Variants in CCSER1 observed in about 807,000 individuals in gnomAD.
CCSER1 encodes serine-rich coiled-coil domain-containing protein 1.
Under a neutral mutation model 82.0 loss-of-function variants are expected in CCSER1, and 41 were observed. That is an observed-to-expected ratio of 0.50 (90% CI 0.39 to 0.65). The LOEUF (loss-of-function observed/expected upper bound fraction) is 0.65, where lower values mean the gene tolerates loss of function less well. CCSER1 is among the 30% of genes least tolerant of loss of function. CCSER1 has a pLI of 0.00. For synonymous variants in CCSER1, 414 were observed against 383.9 expected (o/e 1.08, Z -0.92); for missense variants, 1,119 against 1,064.2 (o/e 1.05, Z -0.72).
chr4:90,254,166 T>C (rs1315322250), intron 1 of CCSER1, among the ~76,000 whole-genome samples: 1 of 152,182 alleles, frequency 6.6e-6, no homozygotes, highest in Admixed American at 6.5e-5. Flanking sequence ...CTTTGTTCTT[T>C]ACAACAGTGT....
intron 10 of CCSER1, among the ~76,000 whole-genome samples, chr4:91,193,133 T>C (rs1379705081): frequency 6.6e-6 from 1 of 152,176 alleles, no homozygotes; most frequent in Non-Finnish European, 1.5e-5. Flanking sequence ...TCATCTATAA[T>C]ACCTAAAACA....
At chr4:90,535,092 CT>C (rs368374450) in intron 5 of CCSER1, among the ~76,000 whole-genome samples, 6 of 151,390 alleles carry the variant, frequency 4.0e-5, no homozygotes, top group Admixed American at 2.6e-4. Context: ...CTACCAAATT[CT>C]TTTTTTTTAC....
At chr4:90,222,572 G>C (rs114670704) in intron 1 of CCSER1, among the ~76,000 whole-genome samples, 2 of 152,168 alleles carry the variant, frequency 1.3e-5, no homozygotes, top group East Asian at 3.9e-4. Context: ...CACAATTTAC[G>C]CACGTTTATT....
intron 10 of CCSER1, among the ~76,000 whole-genome samples, chr4:91,592,052 G>C (rs1764293823): frequency 6.6e-6 from 1 of 152,140 alleles, no homozygotes; most frequent in African/African-American, 2.4e-5. Context: ...GGTAGGACAT[G>C]TGTATTCAGC....
intron 1 of CCSER1, among the ~76,000 whole-genome samples, chr4:90,229,361 A>C (rs1435991443): frequency 6.6e-6 from 1 of 152,206 alleles, no homozygotes; most frequent in Non-Finnish European, 1.5e-5. Context: ...TTTCATATCC[A>C]GCCAAACTAA....
intron 4 of CCSER1, among the ~76,000 whole-genome samples, chr4:90,455,568 A>G (rs558635002): frequency 3.3e-5 from 5 of 152,080 alleles, no homozygotes; most frequent in Admixed American, 2.0e-4. Flanking sequence ...TCCAGCAAAT[A>G]CCCAGGGTAG....
At chr4:91,427,439 C>A (rs1161134635) in intron 10 of CCSER1, among the ~76,000 whole-genome samples, 1 of 152,018 alleles carries the variant, frequency 6.6e-6, no homozygotes, top group Non-Finnish European at 1.5e-5. Context: ...GAGTAAGTTA[C>A]CCAGCCATTC....
chr4:90,741,973 T>C (rs946143786), intron 7 of CCSER1, among the ~76,000 whole-genome samples: 6 of 152,146 alleles, frequency 3.9e-5, no homozygotes, highest in African/African-American at 1.4e-4. Context: ...TTTAATTGAC[T>C]CATAGTTCCA....
At chr4:91,365,157 G>T (rs1246722439) in intron 10 of CCSER1, among the ~76,000 whole-genome samples, 3 of 152,138 alleles carry the variant, frequency 2.0e-5, no homozygotes, top group African/African-American at 7.2e-5. Flanking sequence ...TTTATGAGAG[G>T]CTTTCAGTGT....
chr4:90,217,722 G>T (rs568811278), intron 1 of CCSER1, among the ~76,000 whole-genome samples: 85 of 152,088 alleles, frequency 5.6e-4, no homozygotes, highest in Middle Eastern at 3.4e-3. Context: ...TATGATATTG[G>T]CTGTGTGTTT....
At chr4:90,707,346 A>G (rs1739554784) in intron 6 of CCSER1, among the ~76,000 whole-genome samples, 1 of 151,916 alleles carries the variant, frequency 6.6e-6, no homozygotes, top group Non-Finnish European at 1.5e-5. Context: ...ACTTAACTTG[A>G]ACAAGCTGAA....
intron 10 of CCSER1, among the ~76,000 whole-genome samples, chr4:91,468,652 T>A (rs368119589): frequency 1.7e-4 from 26 of 152,200 alleles, no homozygotes; most frequent in African/African-American, 5.8e-4. Flanking sequence ...TGTATATGTT[T>A]ATGTTTTTAT....
chr4:90,981,238 A>C (rs1467666815), intron 9 of CCSER1, among the ~76,000 whole-genome samples: 1 of 151,758 alleles, frequency 6.6e-6, no homozygotes, highest in Non-Finnish European at 1.5e-5. Context: ...TCCCCTTTCC[A>C]CTATGAAAAA....
intron 7 of CCSER1, among the ~76,000 whole-genome samples, chr4:90,792,643 A>G (rs1200213399): frequency 2.6e-5 from 4 of 152,264 alleles, no homozygotes; most frequent in Admixed American, 2.6e-4. Flanking sequence ...GATAAAAGGC[A>G]GAACTCTTTG....
intron 10 of CCSER1, among the ~76,000 whole-genome samples, chr4:91,337,714 G>A (rs1190669614): frequency 1.3e-5 from 2 of 152,020 alleles, no homozygotes; most frequent in East Asian, 3.9e-4. Flanking sequence ...CCTCTCAACT[G>A]TAGCTATAAC....
At chr4:90,694,784 G>A (rs1439191431) in intron 6 of CCSER1, among the ~76,000 whole-genome samples, 6 of 136,794 alleles carry the variant, frequency 4.4e-5, no homozygotes, top group Non-Finnish European at 7.9e-5. Flanking sequence ...CTCAATGCAC[G>A]ATGTGTGTGT....
intron 1 of CCSER1, among the ~76,000 whole-genome samples, chr4:90,144,435 A>G (rs1010747825): frequency 6.6e-6 from 1 of 152,200 alleles, no homozygotes; most frequent in African/African-American, 2.4e-5. Flanking sequence ...CATTCATCCC[A>G]CTATGCATTA....
At chr4:90,338,429 T>C (rs527561878) in intron 3 of CCSER1, among the ~76,000 whole-genome samples, 7 of 152,322 alleles carry the variant, frequency 4.6e-5, no homozygotes, top group African/African-American at 1.7e-4. Context: ...AAAATTGAAG[T>C]TCCTAACAAT....
At position 90,871,965 on chromosome 4, in the gene CCSER1, C is replaced by G. The variant is rs556453725; in HGVS notation, c.2095-51405C>G. 9.2e-5 allele frequency among the ~76,000 whole-genome samples: 14 copies of G among 151,552 alleles called. No homozygotes were observed. The East Asian group carries it at 2.7e-3, about 29-fold the overall frequency. On this transcript the variant is annotated intron_variant, in intron 8 of 10. Coordinates refer to ENST00000509176, the MANE Select transcript of CCSER1 (RefSeq NM_001145065.2). The stretch of plus-strand genomic sequence containing the variant: ...GTTTTTGTCTTAAAATTTATTTTGT[C>G]TGATGTACATAGAGCTACTCCTGCC...
Sources: allele counts gnomAD v4.1 joint callset (sites outside exome capture counted in the v4.1 genomes callset), GRCh38; gene constraint gnomAD v4.1.1; transcripts MANE v1.5; gene names NCBI Gene and HGNC (gene_info 2026-07-23, HGNC 2026-07-21).